TRPC4: variants seen among roughly 807,000 people sequenced by gnomAD.
TRPC4 encodes the protein transient receptor potential cation channel subfamily C member 4, also known as short transient receptor potential channel 4.
TRPC4 carries 49 observed loss-of-function variants against 99.4 expected under a neutral mutation model. That is an observed-to-expected ratio of 0.49 (90% CI 0.39 to 0.63). The LOEUF (loss-of-function observed/expected upper bound fraction) is 0.63, where lower values mean the gene tolerates loss of function less well. Ranked by LOEUF, TRPC4 falls within the 20% of genes least tolerant of loss-of-function variation. The pLI, the probability that TRPC4 is intolerant of heterozygous loss-of-function variation, is 0.00. For synonymous variants in TRPC4, 454 were observed against 425.9 expected (o/e 1.07, Z -0.81); for missense variants, 898 against 1,152.9 (o/e 0.78, Z 3.20).
chr13:37,733,924 A>G (rs1487747725), intron 3 of TRPC4, among the ~76,000 whole-genome samples: 1 of 152,190 alleles, frequency 6.6e-6, no homozygotes, highest in East Asian at 1.9e-4. Context: ...AATAGGTAGG[A>G]GAAAAGGATA....
intron 6 of TRPC4, among the ~76,000 whole-genome samples, chr13:37,659,385 C>T (rs1451604211): frequency 6.6e-6 from 1 of 152,146 alleles, no homozygotes; most frequent in African/African-American, 2.4e-5. Flanking sequence ...GAGGCCCTCA[C>T]CAGAAGCAGA....
At chr13:37,787,868 A>G (rs901621012) in intron 1 of TRPC4, among the ~76,000 whole-genome samples, 6 of 152,066 alleles carry the variant, frequency 3.9e-5, no homozygotes. Flanking sequence ...AGTACCACAT[A>G]AAAAACTAAG....
chr13:37,831,090 A>T (rs895654443), intron 1 of TRPC4, among the ~76,000 whole-genome samples: 1 of 151,292 alleles, frequency 6.6e-6, no homozygotes, highest in African/African-American at 2.5e-5. Flanking sequence ...TTTGCTGTAC[A>T]GAAGAATTTT....
At chr13:37,705,578 A>T (rs12429617) in intron 3 of TRPC4, among the ~76,000 whole-genome samples, 49,466 of 151,992 alleles carry the variant, frequency 0.33, 8,826 homozygotes, top group Middle Eastern at 0.44. Flanking sequence ...ATTTAATTAA[A>T]AAAAGAAATG....
intron 3 of TRPC4, among the ~76,000 whole-genome samples, chr13:37,735,225 C>T (rs1322245546): frequency 1.3e-5 from 2 of 152,028 alleles, no homozygotes; most frequent in Non-Finnish European, 2.9e-5. Context: ...AAAACATTCC[C>T]TCTCACATGC....
intron 4 of TRPC4, among the ~76,000 whole-genome samples, chr13:37,677,716 G>A (rs1057502038): frequency 1.3e-5 from 2 of 152,080 alleles, no homozygotes; most frequent in Non-Finnish European, 2.9e-5. Context: ...ATAAGTGGAG[G>A]TTTCAGCATT....
intron 1 of TRPC4, among the ~76,000 whole-genome samples, chr13:37,793,260 A>G (rs563953997): frequency 6.6e-6 from 1 of 152,246 alleles, no homozygotes; most frequent in Non-Finnish European, 1.5e-5. Flanking sequence ...TGTGGAAGGC[A>G]CCCTGTGCAT....
At chr13:37,800,981 A>G (rs1005217152) in intron 1 of TRPC4, among the ~76,000 whole-genome samples, 1 of 152,138 alleles carries the variant, frequency 6.6e-6, no homozygotes, top group African/African-American at 2.4e-5. Flanking sequence ...GAAGAGTAAT[A>G]AATACTAACA....
At chr13:37,750,775 T>C (rs896926136) in intron 2 of TRPC4, among the ~76,000 whole-genome samples, 12 of 152,164 alleles carry the variant, frequency 7.9e-5, no homozygotes, top group Admixed American at 4.6e-4. Flanking sequence ...ATTAAGTATT[T>C]TTCCTAATGC....
rs1371251412 is a variant in TRPC4 at position 37,634,921 on chromosome 13, C to T, written c.*1982G>A. Among the ~76,000 whole-genome samples the T allele has an allele frequency of 1.3e-5, 2 of 151,974 alleles. No individual in the cohort carries two copies. Among genetic ancestry groups the T allele is most frequent in the South Asian group, 2.1e-4 (1 of 4,824 alleles). On this transcript the variant is annotated 3_prime_UTR_variant, in exon 11 of 11. Transcript: ENST00000379705. Reference sequence around the variant, plus strand: ...CTTGTGTTTCTCCAAATCTATCTGGCCCATTCCTAAATTCCCAAAAACCAG... The same window carrying T: ...CTTGTGTTTCTCCAAATCTATCTGGTCCATTCCTAAATTCCCAAAAACCAG...
intron 2 of TRPC4, among the ~76,000 whole-genome samples, chr13:37,749,213 T>C (rs565878078): frequency 2.6e-5 from 4 of 152,258 alleles, no homozygotes; most frequent in South Asian, 2.1e-4. Flanking sequence ...CCCAGCTATA[T>C]GGAACTGTGA....
chr13:37,776,575 TA>T (rs1956710735), intron 2 of TRPC4, among the ~76,000 whole-genome samples: 1 of 151,858 alleles, frequency 6.6e-6, no homozygotes, highest in Non-Finnish European at 1.5e-5. Flanking sequence ...CAGGGTATAA[TA>T]AAAACAAATA....
intron 1 of TRPC4, among the ~76,000 whole-genome samples, chr13:37,847,808 A>T (rs954126871): frequency 3.3e-5 from 5 of 152,160 alleles, no homozygotes; most frequent in Admixed American, 2.0e-4. Flanking sequence ...AAGTCCACAA[A>T]TATATACAGT....
chr13:37,724,224 C>T (rs988413192), intron 3 of TRPC4, among the ~76,000 whole-genome samples: 12 of 151,880 alleles, frequency 7.9e-5, no homozygotes, highest in Admixed American at 7.2e-4. Context: ...TTTATATATA[C>T]AATTTAAAAC....
At chr13:37,838,629 TC>T (rs1173624594) in intron 1 of TRPC4, among the ~76,000 whole-genome samples, 1 of 152,188 alleles carries the variant, frequency 6.6e-6, no homozygotes, top group African/African-American at 2.4e-5. Context: ...TATTTTAAAA[TC>T]AAAAGTATCA....
chr13:37,850,123 T>C (rs1488042084), intron 1 of TRPC4, among the ~76,000 whole-genome samples: 1 of 152,144 alleles, frequency 6.6e-6, no homozygotes, highest in East Asian at 1.9e-4. Flanking sequence ...TTATAGGCAA[T>C]TTTAGTGAAA....
intron 3 of TRPC4, among the ~76,000 whole-genome samples, chr13:37,743,075 AT>A (rs1029526664): frequency 2.6e-5 from 4 of 152,134 alleles, no homozygotes; most frequent in African/African-American, 9.6e-5. Flanking sequence ...ATCTCAAAAC[AT>A]TTTGAAAGGA....
chr13:37,733,606 A>T (rs571646878), intron 3 of TRPC4, among the ~76,000 whole-genome samples: 2 of 152,302 alleles, frequency 1.3e-5, no homozygotes, highest in South Asian at 4.1e-4. Flanking sequence ...TTTAATCATG[A>T]TTAAATATCA....
chr13:37,686,302 A>G (rs1413099877), intron 4 of TRPC4, among the ~76,000 whole-genome samples: 1 of 152,072 alleles, frequency 6.6e-6, no homozygotes, highest in Non-Finnish European at 1.5e-5. Context: ...ACACGTGTGT[A>G]TATGTGTCTA....
Sources: allele counts gnomAD v4.1 joint callset (sites outside exome capture counted in the v4.1 genomes callset), GRCh38; gene constraint gnomAD v4.1.1; transcripts MANE v1.5; gene names NCBI Gene and HGNC (gene_info 2026-07-23, HGNC 2026-07-21).